Variants in MBD5 observed in about 807,000 individuals in gnomAD.
MBD5 encodes methyl-CpG-binding domain protein 5.
MBD5 carries 13 observed loss-of-function variants against 117.3 expected under a neutral mutation model. That is an observed-to-expected ratio of 0.11 (90% confidence interval 0.07 to 0.18). The LOEUF (loss-of-function observed/expected upper bound fraction) is 0.18, where lower values mean the gene tolerates loss of function less well. Among genes scored for constraint, MBD5 ranks in the 10% least tolerant of loss-of-function variants. MBD5 has a pLI of 1.00. For missense variants in MBD5, 1,879 were observed against 2,093.8 expected (o/e 0.90, Z 2.00); for synonymous variants, 727 against 766.4 (o/e 0.95, Z 0.85).
chr2:148,132,138 G>A (rs1697062606), intron 1 of MBD5, among the ~76,000 whole-genome samples: 1 of 151,980 alleles, frequency 6.6e-6, no homozygotes, highest in Non-Finnish European at 1.5e-5. Context: ...GCTTAAATGA[G>A]ATAATCTACT....
chr2:148,152,051 C>T (rs1697689529), intron 1 of MBD5, among the ~76,000 whole-genome samples: 3 of 151,438 alleles, frequency 2.0e-5, no homozygotes, highest in African/African-American at 7.3e-5. Flanking sequence ...AATTTTGGAT[C>T]TTTCCTGCTT....
intron 2 of MBD5, among the ~76,000 whole-genome samples, chr2:148,231,371 A>G (rs1438047589): frequency 1.3e-5 from 2 of 151,944 alleles, no homozygotes; most frequent in South Asian, 2.1e-4. Context: ...AAATGCTACA[A>G]TCTCCCTGTC....
In MBD5 at chr2:148,482,444, C is replaced by T. The variant is rs551049026; in HGVS notation, c.2519-666C>T. ...GATAAATAAAAAAGCTACAAAATAACATTATAGCATGATTCTATTTTTAAA... is the reference window on the plus strand; with the variant it reads ...GATAAATAAAAAAGCTACAAAATAATATTATAGCATGATTCTATTTTTAAA... On this transcript the variant is annotated intron_variant, in intron 8 of 13. Coordinates refer to ENST00000642680, the MANE Select transcript of MBD5 (RefSeq NM_001378120.1). Among the ~76,000 whole-genome samples the T allele has an allele frequency of 2.6e-5, 4 of 151,844 alleles. No individual in the cohort carries two copies. The South Asian group carries it at 8.3e-4, about 31-fold the overall frequency.
intron 3 of MBD5, among the ~76,000 whole-genome samples, chr2:148,337,271 T>A (rs1029549536): frequency 2.6e-5 from 4 of 152,058 alleles, no homozygotes; most frequent in Non-Finnish European, 4.4e-5. Flanking sequence ...GTACTCTAGG[T>A]TTTTAGTGGT....
intron 1 of MBD5, among the ~76,000 whole-genome samples, chr2:148,127,811 T>C (rs1443356164): frequency 6.6e-6 from 1 of 152,236 alleles, no homozygotes; most frequent in Non-Finnish European, 1.5e-5. Flanking sequence ...TCACCCACAC[T>C]GTCTTTCACA....
chr2:148,367,306 C>A (rs1468223088), intron 4 of MBD5, among the ~76,000 whole-genome samples: 2 of 152,152 alleles, frequency 1.3e-5, no homozygotes, highest in Non-Finnish European at 2.9e-5. Flanking sequence ...CCCTTCCTTA[C>A]ACCTTATACA....
Position 148,468,587 on chromosome 2 carries a change from G to A in MBD5, c.644G>A (p.Arg215His), listed in dbSNP as rs771325235. 5.0e-6 allele frequency: 8 copies of A among 1,613,820 alleles called. No individual in the cohort carries two copies. Among genetic ancestry groups the A allele is most frequent in the Non-Finnish European group, 4.2e-6 (5 of 1,179,874 alleles). Residue 215 changes from arginine to histidine, a missense_variant, in exon 8 of 14, where the codon CGT (arginine) becomes CAT (histidine). Arg to His is a conservative substitution (Grantham distance 29). Around this residue, in one of 4 missense-constraint regions of MBD5, gnomAD observed 1,666 missense variants for 1,792.2 expected, o/e 0.93. Coordinates refer to ENST00000642680, the MANE Select transcript of MBD5 (RefSeq NM_001378120.1). Reference sequence around the variant, plus strand: ...GAACATGGACAGAAATCTCCATTCCGTGGCAGCCATGGAGGCCTGCCCAGC... The same window carrying A: ...GAACATGGACAGAAATCTCCATTCCATGGCAGCCATGGAGGCCTGCCCAGC... ...SSEHGQKSPF[R>H]GSHGGLPSPA...
chr2:148,359,906 C>A (rs1703485085), intron 4 of MBD5, among the ~76,000 whole-genome samples: 2 of 152,074 alleles, frequency 1.3e-5, no homozygotes, highest in African/African-American at 4.8e-5. Context: ...TATGTGGTAG[C>A]AGTTTTATTA....
At chr2:148,082,142 A>T (rs1302626263) in intron 1 of MBD5, among the ~76,000 whole-genome samples, 1 of 152,192 alleles carries the variant, frequency 6.6e-6, no homozygotes, top group South Asian at 2.1e-4. Flanking sequence ...AATCCTTTAG[A>T]TTATGAGAAA....
intron 4 of MBD5, among the ~76,000 whole-genome samples, chr2:148,380,565 TTA>T (rs1177792853): frequency 1.3e-5 from 2 of 151,926 alleles, no homozygotes; most frequent in Non-Finnish European, 2.9e-5. Flanking sequence ...CATGTAAAAT[TTA>T]TATATATATA....
At chr2:148,051,647 GTT>G (rs1694707490) in intron 1 of MBD5, among the ~76,000 whole-genome samples, 1 of 142,242 alleles carries the variant, frequency 7.0e-6, no homozygotes. Context: ...GTGTGTGTGT[GTT>G]GTCATGAAAG....
At chr2:148,419,399 C>T (rs1705527831) in intron 4 of MBD5, among the ~76,000 whole-genome samples, 1 of 152,088 alleles carries the variant, frequency 6.6e-6, no homozygotes. Flanking sequence ...TTAAAAAGCA[C>T]ATATATTTTA....
chr2:148,340,380 T>TTTCCCA (rs1702905858), intron 3 of MBD5, among the ~76,000 whole-genome samples: 2 of 152,162 alleles, frequency 1.3e-5, no homozygotes, highest in South Asian at 4.1e-4. Flanking sequence ...GCAAAAACAT[T>TTTCCCA]ACATTGGTGA....
At chr2:148,228,127 A>G (rs1219505586) in intron 2 of MBD5, among the ~76,000 whole-genome samples, 55 of 152,078 alleles carry the variant, frequency 3.6e-4, no homozygotes, top group Admixed American at 1.0e-3. Flanking sequence ...GATTGCCCTG[A>G]CCAGAACTTC....
chr2:148,159,805 ATATGAGCAT>A (rs1697963442), intron 1 of MBD5, among the ~76,000 whole-genome samples: 1 of 152,160 alleles, frequency 6.6e-6, no homozygotes, highest in African/African-American at 2.4e-5. Flanking sequence ...ACTCTAGTAA[ATATGAGCAT>A]TATCTCTGTT....
chr2:148,512,774 G>A lies in MBD5; in HGVS notation c.5113-96G>A, dbSNP rs1285204734. On this transcript the variant is annotated intron_variant, in intron 13 of 13. Transcript: ENST00000642680. Reference sequence around the variant, plus strand: ...TCAGTAATTGAAAGTGAAAGCCAGAGTCTATTCCCTACCCTGCTCCTTTGT... The same window carrying A: ...TCAGTAATTGAAAGTGAAAGCCAGAATCTATTCCCTACCCTGCTCCTTTGT... 12 of 1,108,632 alleles carry A rather than the reference G, an allele frequency of 1.1e-5. 1 individual carries two copies. Among genetic ancestry groups the A allele is most frequent in the African/African-American group, 4.6e-5 (3 of 64,982 alleles). The allele number at this position is 1,108,632 out of a possible 1,614,324, so 68.7% of individuals were successfully genotyped here.
At chr2:148,478,017 C>T (rs981929880) in intron 8 of MBD5, among the ~76,000 whole-genome samples, 4 of 152,018 alleles carry the variant, frequency 2.6e-5, no homozygotes, top group Middle Eastern at 3.4e-3. Flanking sequence ...CATCCAAAGA[C>T]GTGTATAACA....
intron 4 of MBD5, among the ~76,000 whole-genome samples, chr2:148,419,987 A>G (rs1428491491): frequency 1.3e-5 from 2 of 152,094 alleles, no homozygotes; most frequent in Admixed American, 6.6e-5. Flanking sequence ...GTCCTTCTCT[A>G]TTCATCCAAG....
chr2:148,034,578 C>G (rs1027353855), intron 1 of MBD5, among the ~76,000 whole-genome samples: 2 of 152,076 alleles, frequency 1.3e-5, no homozygotes, highest in African/African-American at 4.8e-5. Flanking sequence ...TACTTTGCGC[C>G]ACTCATTGTG....
Sources: gnomAD v4.1 joint callset for allele counts (sites outside exome capture counted in the v4.1 genomes callset) on GRCh38, gnomAD v4.1.1 for gene constraint, gnomAD v4.1.1 regional missense constraint, MANE v1.5 for transcripts, NCBI Gene and HGNC (gene_info 2026-07-23, HGNC 2026-07-21) for gene names.